TASP1: variants seen among roughly 807,000 people sequenced by gnomAD.
TASP1 encodes the protein taspase 1, also known as threonine aspartase 1.
In TASP1, 16 loss-of-function variants were observed where a neutral mutation model predicts 56.6. The observed-to-expected ratio is 0.28, with a 90% confidence interval of 0.19 to 0.43. TASP1 has a LOEUF of 0.43. Among genes scored for constraint, TASP1 ranks in the 20% least tolerant of loss-of-function variants. The pLI is 1.00. For missense variants in TASP1, 393 were observed against 511.6 expected (o/e 0.77, Z 2.24); for synonymous variants, 179 against 184.2 (o/e 0.97, Z 0.23).
chr20:13,336,235 C>T, the TASP1 span, among the ~76,000 whole-genome samples: 2 of 152,136 alleles, frequency 1.3e-5, no homozygotes, highest in Non-Finnish European at 2.9e-5. Flanking sequence ...CAGAAGGGGG[C>T]CTCACACTTG....
chr20:13,527,605 C>A (rs989102154), intron 10 of TASP1, among the ~76,000 whole-genome samples: 4 of 152,072 alleles, frequency 2.6e-5, no homozygotes, highest in Non-Finnish European at 5.9e-5. Context: ...TCATCTCCTG[C>A]ACACACGCAC....
intron 5 of TASP1, among the ~76,000 whole-genome samples, chr20:13,584,173 C>T (rs2047221226): frequency 1.3e-5 from 2 of 152,054 alleles, no homozygotes; most frequent in South Asian, 4.2e-4. Flanking sequence ...TATTGTTATT[C>T]AATTAACTAT....
chr20:13,417,012 A>T (rs1243034141), intron 13 of TASP1, among the ~76,000 whole-genome samples: 2 of 152,218 alleles, frequency 1.3e-5, no homozygotes, highest in East Asian at 3.9e-4. Flanking sequence ...CATGTCAGCC[A>T]CCTGTGCCAT....
intron 13 of TASP1, among the ~76,000 whole-genome samples, chr20:13,412,889 C>T (rs564475696): frequency 3.0e-4 from 46 of 152,254 alleles, no homozygotes; most frequent in Admixed American, 1.3e-3. Flanking sequence ...TGTATTGAGA[C>T]AGATAAGGTT....
intron 8 of TASP1, among the ~76,000 whole-genome samples, chr20:13,547,414 T>C (rs1339829460): frequency 6.6e-6 from 1 of 152,128 alleles, no homozygotes; most frequent in Non-Finnish European, 1.5e-5. Context: ...GGAAGGAATA[T>C]GAACAAAAAC....
chr20:13,249,915 G>T, the TASP1 span, among the ~76,000 whole-genome samples: 1 of 151,990 alleles, frequency 6.6e-6, no homozygotes, highest in African/African-American at 2.4e-5. Flanking sequence ...TGCAAAAATT[G>T]CTGGGGCCTT....
intron 13 of TASP1, among the ~76,000 whole-genome samples, chr20:13,412,327 A>G (rs1344421209): frequency 6.6e-6 from 1 of 152,182 alleles, no homozygotes; most frequent in Non-Finnish European, 1.5e-5. Context: ...TCTGCCAGGG[A>G]ATAAAGCAAT....
chr20:13,498,462 G>A (rs775078394), intron 10 of TASP1, among the ~76,000 whole-genome samples: 4 of 151,226 alleles, frequency 2.6e-5, no homozygotes, highest in Admixed American at 6.6e-5. Context: ...AGGTTCAAGC[G>A]ATTCTAATGC....
chr20:13,524,665 A>T (rs998366046), intron 10 of TASP1, among the ~76,000 whole-genome samples: 3 of 152,156 alleles, frequency 2.0e-5, no homozygotes, highest in Non-Finnish European at 4.4e-5. Flanking sequence ...TTTTACTATA[A>T]TTTATCAATT....
Position 13,552,341 on chromosome 20 carries a change from T to C in TASP1, c.675+6667A>G, listed in dbSNP as rs780816711. On this transcript the variant is annotated intron_variant, in intron 8 of 13. Transcript: ENST00000337743. ...AAAGACAGCAGGTGGAAACGTTGCC[T>C]CTCTGTCTCTAAGTGATGAATTTAC... 6.6e-5 allele frequency among the ~76,000 whole-genome samples: 10 copies of C among 152,052 alleles called. 1 individual carries two copies. Among genetic ancestry groups the C allele is most frequent in the Non-Finnish European group, 1.5e-4 (10 of 68,026 alleles).
the TASP1 span, among the ~76,000 whole-genome samples, chr20:13,123,002 C>A: frequency 6.6e-6 from 1 of 152,296 alleles, no homozygotes; most frequent in East Asian, 1.9e-4. Context: ...CCGCCCCATG[C>A]TCCCAGTTCT....
intron 4 of TASP1, among the ~76,000 whole-genome samples, chr20:13,611,870 T>A (rs1015871482): frequency 6.6e-6 from 1 of 152,204 alleles, no homozygotes; most frequent in African/African-American, 2.4e-5. Flanking sequence ...CATTTTTACA[T>A]GTTGACAACA....
At chr20:13,369,383 T>G in the TASP1 span, among the ~76,000 whole-genome samples, 4 of 152,206 alleles carry the variant, frequency 2.6e-5, no homozygotes, top group Non-Finnish European at 2.9e-5. Context: ...GAGGTGGAGG[T>G]TGCAGTGAGC....
chr20:13,433,042 G>C (rs1023380355), intron 12 of TASP1, among the ~76,000 whole-genome samples: 1 of 152,028 alleles, frequency 6.6e-6, no homozygotes, highest in Non-Finnish European at 1.5e-5. Context: ...CTGTTACATA[G>C]GTATACACGT....
Position 13,435,072 on chromosome 20 carries a change from G to A in TASP1, c.1068C>T (p.Asp356=), listed in dbSNP as rs1472599181. ...LRSCRCSAEP[D]SSQNKQTLLV... ...GAAGTGTCTGCTTATTTTGGGAGGA[G>A]TCAGGCTCGGCAGAACATCTGCATG... The change falls in exon 12 of 14, where the codon GAC becomes GAT. Residue 356 remains aspartate, a synonymous_variant. Transcript: ENST00000337743. 1.2e-6 allele frequency: 2 copies of A among 1,611,382 alleles called. No individual in the cohort carries two copies. Among genetic ancestry groups the A allele is most frequent in the Non-Finnish European group, 8.5e-7 (1 of 1,178,698 alleles).
At chr20:13,277,026 C>A in the TASP1 span, among the ~76,000 whole-genome samples, 1 of 152,034 alleles carries the variant, frequency 6.6e-6, no homozygotes, top group Non-Finnish European at 1.5e-5. Context: ...GAAAAATAAA[C>A]CTCTAAGTGT....
chr20:13,309,172 C>G, the TASP1 span, among the ~76,000 whole-genome samples: 2 of 151,914 alleles, frequency 1.3e-5, no homozygotes, highest in African/African-American at 4.8e-5. Context: ...AATAAAAATA[C>G]TAAACTATGC....
At chr20:13,327,868 G>C in the TASP1 span, among the ~76,000 whole-genome samples, 2 of 152,110 alleles carry the variant, frequency 1.3e-5, no homozygotes, top group Non-Finnish European at 2.9e-5. Context: ...AGAAAATCTA[G>C]GCAATCCCAT....
intron 10 of TASP1, among the ~76,000 whole-genome samples, chr20:13,488,125 A>G (rs1231736444): frequency 1.3e-5 from 2 of 152,164 alleles, no homozygotes; most frequent in African/African-American, 2.4e-5. Flanking sequence ...AAGAGAGGAA[A>G]GAAAGAAGAA....
Sources: allele counts gnomAD v4.1 joint callset (sites outside exome capture counted in the v4.1 genomes callset), GRCh38; gene constraint gnomAD v4.1.1; transcripts MANE v1.5; gene names NCBI Gene and HGNC (gene_info 2026-07-23, HGNC 2026-07-21).